HEATR5B: variants seen among roughly 807,000 people sequenced by gnomAD.
The protein encoded by HEATR5B is HEAT repeat-containing protein 5B.
A neutral mutation model predicts 224.1 loss-of-function variants in HEATR5B; 156 were observed. That is an observed-to-expected ratio of 0.70 (90% CI 0.61 to 0.80). The LOEUF is 0.80. Among genes scored for constraint, HEATR5B ranks in the 30% least tolerant of loss-of-function variants. The pLI is 0.00. For synonymous variants in HEATR5B, 1,027 were observed against 893.0 expected (o/e 1.15, Z -2.68); for missense variants, 2,323 against 2,535.5 (o/e 0.92, Z 1.80).
In HEATR5B at chr2:37,019,460, C is replaced by CT. The variant is rs754220468; in HGVS notation, c.4104+348dup. Among the ~76,000 whole-genome samples, 760 of 143,466 alleles carry CT rather than the reference C, an allele frequency of 5.3e-3. 2 individuals are homozygous for CT. The highest frequency in any genetic ancestry group is 0.01 in the African/African-American group (410 of 39,504). The allele number at this position is 143,466 out of a possible 152,430, so 94.1% of individuals were successfully genotyped here. A position where few individuals can be genotyped will look rare whatever the true frequency, so the allele number is the denominator to read the frequency against. On this transcript the variant is annotated intron_variant, in intron 26 of 35. Coordinates refer to ENST00000233099, the MANE Select transcript of HEATR5B (RefSeq NM_019024.3). ...ATATTATTTTGTTTTTCCTCTCTCT[C>CT]TTTTTTTTTTTTTTGAGACAGGGTC...
At chr2:37,081,949 A>C (rs1438664134) in intron 2 of HEATR5B, among the ~76,000 whole-genome samples, 4 of 151,544 alleles carry the variant, frequency 2.6e-5, no homozygotes, top group Admixed American at 2.6e-4. Context: ...CCTACAGTGA[A>C]GTCCAGTTTA....
chr2:36,985,645 T>C (rs1355086032), intron 35 of HEATR5B, among the ~76,000 whole-genome samples: 3 of 118,570 alleles, frequency 2.5e-5, no homozygotes, highest in Non-Finnish European at 3.6e-5. Context: ...TTTTTTTTTT[T>C]CAGTAGAGAC....
At chr2:36,989,899 CTTTTTTTTTTTTTT>C (rs766148486) in intron 34 of HEATR5B, among the ~76,000 whole-genome samples, 1 of 88,904 alleles carries the variant, frequency 1.1e-5, no homozygotes. Context: ...AGAATGTTTC[CTTTTTTTTTTTTTT>C]TTTTTTTTTT....
chr2:37,008,580 A>G (rs966270362), intron 28 of HEATR5B, 31 bp downstream of exon 28: 2 of 1,486,092 alleles, frequency 1.3e-6, no homozygotes, highest in African/African-American at 2.8e-5. Flanking sequence ...TTTGAACTCC[A>G]TAAAAGTAAA....
At chr2:36,993,144 T>G (rs1242626523) in intron 33 of HEATR5B, among the ~76,000 whole-genome samples, 1 of 152,114 alleles carries the variant, frequency 6.6e-6, no homozygotes, top group African/African-American at 2.4e-5. Context: ...GGGGAAATAC[T>G]CAGTCTGCTA....
At position 37,079,339 on chromosome 2, in the gene HEATR5B, A is replaced by G. The variant is rs746022995; in HGVS notation, c.127-8T>C. ...TTTTTCCTTTACATCGGTCTGTTAC[A>G]AAAAAAATTTTTAAAAGAACATCAT... On this transcript the variant is annotated splice_region_variant and splice_polypyrimidine_tract_variant and intron_variant, in intron 2 of 35. Transcript: ENST00000233099. 5 of 1,518,064 alleles carry G rather than the reference A, an allele frequency of 3.3e-6. No individual in the cohort carries two copies. Among genetic ancestry groups the G allele is most frequent in the Non-Finnish European group, 4.4e-6 (5 of 1,125,306 alleles). 94.0% of individuals were successfully genotyped at this position (1,518,064 alleles called of 1,614,324 possible).
intron 15 of HEATR5B, among the ~76,000 whole-genome samples, chr2:37,056,965 G>T (rs1049405551): frequency 2.0e-5 from 3 of 152,104 alleles, no homozygotes; most frequent in African/African-American, 7.2e-5. Flanking sequence ...GTGGGCAAAA[G>T]TTCTAAATCT....
At chr2:37,023,399 T>A (rs184357051) in intron 24 of HEATR5B, among the ~76,000 whole-genome samples, 2 of 152,324 alleles carry the variant, frequency 1.3e-5, no homozygotes, top group East Asian at 3.9e-4. Flanking sequence ...ACTGTTGTTG[T>A]CAAAGTTATA....
intron 21 of HEATR5B, among the ~76,000 whole-genome samples, chr2:37,033,574 A>G (rs1254036127): frequency 2.0e-5 from 3 of 152,222 alleles, no homozygotes; most frequent in African/African-American, 7.2e-5. Flanking sequence ...AAAATTGCAA[A>G]ATGGGGCCTT....
intron 2 of HEATR5B, among the ~76,000 whole-genome samples, chr2:37,080,257 A>C (rs981704036): frequency 6.6e-6 from 1 of 152,212 alleles, no homozygotes; most frequent in Non-Finnish European, 1.5e-5. Flanking sequence ...TCTCAGTAAG[A>C]GAACTTTGTA....
At chr2:37,044,142 C>T (rs1031750766) in intron 18 of HEATR5B, among the ~76,000 whole-genome samples, 1 of 152,128 alleles carries the variant, frequency 6.6e-6, no homozygotes, top group African/African-American at 2.4e-5. Context: ...ACACTCACAG[C>T]GTGTATCAAT....
intron 20 of HEATR5B, among the ~76,000 whole-genome samples, chr2:37,038,969 T>A (rs1016838285): frequency 6.6e-6 from 1 of 151,960 alleles, no homozygotes; most frequent in African/African-American, 2.4e-5. Flanking sequence ...CTTTTTCTTT[T>A]TCCTCTCTTT....
rs1158761802 is a variant in HEATR5B at position 37,049,662 on chromosome 2, C to T, written c.2687G>A (p.Ser896Asn). The change falls in exon 18 of 36, where the codon AGC (serine) becomes AAC (asparagine). Residue 896 changes from serine to asparagine, a missense_variant. This residue lies in a region of HEATR5B where 170 missense variants were observed against 216.7 expected (regional missense o/e 0.78). Transcript: ENST00000233099. ...ATFIARMAQY[S>N]FDKLKSARDV... ...AAAGAAACCCACTTACTTGTCAAAG[C>T]TATATTGGGCCATTCTAGCAATAAA... is the stretch of plus-strand genomic sequence containing the variant. The T allele has an allele frequency of 6.2e-7, 1 of 1,612,538 alleles. No individual in the cohort carries two copies.
At chr2:37,048,734 G>C (rs1052325010) in intron 18 of HEATR5B, among the ~76,000 whole-genome samples, 4 of 152,180 alleles carry the variant, frequency 2.6e-5, no homozygotes, top group African/African-American at 2.4e-5. Context: ...AGAAGATTAA[G>C]TGTCTGGTTA....
intron 33 of HEATR5B, among the ~76,000 whole-genome samples, chr2:36,994,663 T>C (rs1666564675): frequency 6.6e-6 from 1 of 152,180 alleles, no homozygotes; most frequent in African/African-American, 2.4e-5. Context: ...CTTGATAACA[T>C]ATCAAAACTT....
intron 20 of HEATR5B, among the ~76,000 whole-genome samples, chr2:37,039,146 G>A (rs1271397637): frequency 2.7e-5 from 4 of 149,866 alleles, no homozygotes; most frequent in Non-Finnish European, 5.9e-5. Context: ...GGGCAACATA[G>A]TGAGACCCCC....
chr2:37,013,974 T>C lies in HEATR5B; in HGVS notation c.4151A>G (p.Asp1384Gly). The C allele has an allele frequency of 6.2e-7, 1 of 1,609,310 alleles. No homozygotes were observed. The highest frequency in any genetic ancestry group is 8.5e-7 in the Non-Finnish European group (1 of 1,177,466). ...IGSGVVSDLN[D>G]LRRVHNLLVS... is the part of the protein sequence containing the mutation. ...AAGAAGATTGTGTACTCGACGGAGA[T>C]CATTGAGATCACTGACAACTCCACT... The change falls in exon 27 of 36, where the codon GAT becomes GGT. Residue 1384 changes from aspartate to glycine, a missense_variant. Asp to Gly is a moderately conservative substitution (Grantham distance 94, BLOSUM62 -1). Coordinates refer to ENST00000233099, the MANE Select transcript of HEATR5B (RefSeq NM_019024.3).
chr2:36,986,147 T>C (rs2148320730), intron 35 of HEATR5B, among the ~76,000 whole-genome samples: 1 of 152,318 alleles, frequency 6.6e-6, no homozygotes, highest in Non-Finnish European at 1.5e-5. Flanking sequence ...AGTCCTCATC[T>C]TTATGGAATT....
intron 11 of HEATR5B, among the ~76,000 whole-genome samples, chr2:37,061,328 G>C (rs971516214): frequency 1.3e-5 from 2 of 152,104 alleles, no homozygotes; most frequent in African/African-American, 4.8e-5. Context: ...GTTTTCTTCA[G>C]AAAAGAAAAG....
Sources: gnomAD v4.1 joint callset for allele counts (sites outside exome capture counted in the v4.1 genomes callset) on GRCh38, gnomAD v4.1.1 for gene constraint, gnomAD v4.1.1 regional missense constraint, MANE v1.5 for transcripts, NCBI Gene and HGNC (gene_info 2026-07-23, HGNC 2026-07-21) for gene names.